Variants in COL28A1 observed in about 807,000 individuals in gnomAD.
The protein encoded by COL28A1 is collagen alpha-1(XXVIII) chain.
Under a neutral mutation model 150.2 loss-of-function variants are expected in COL28A1, and 161 were observed. The ratio of observed to expected loss-of-function variants is 1.07; its 90% confidence interval spans 0.94 to 1.22. The LOEUF (loss-of-function observed/expected upper bound fraction) is 1.22, where lower values mean the gene tolerates loss of function less well. Among genes scored for constraint, COL28A1 ranks in the 50% most tolerant of loss-of-function variants. COL28A1 has a pLI of 0.00. For synonymous variants in COL28A1, 552 were observed against 469.7 expected, an observed-to-expected ratio of 1.18 and a Z score of -2.26; for missense variants, 1,617 against 1,388.3, an observed-to-expected ratio of 1.16 and a Z score of -2.62.
At chr7:7,392,108 G>C (rs114397554) in intron 27 of COL28A1, among the ~76,000 whole-genome samples, 3,550 of 152,288 alleles carry the variant, frequency 0.023, 143 homozygotes, top group African/African-American at 0.081. Context: ...TCTGGCATTG[G>C]CTGGTGCTGG....
At chr7:7,392,631 C>T (rs1458369698) in intron 27 of COL28A1, among the ~76,000 whole-genome samples, 1 of 152,202 alleles carries the variant, frequency 6.6e-6, no homozygotes, top group Non-Finnish European at 1.5e-5. Flanking sequence ...TAGGTTTGGT[C>T]TTTTCACATA....
intron 27 of COL28A1, among the ~76,000 whole-genome samples, chr7:7,413,970 CCT>C (rs1349865668): frequency 6.6e-6 from 1 of 152,104 alleles, no homozygotes; most frequent in Non-Finnish European, 1.5e-5. Flanking sequence ...ACTTCTGGGT[CCT>C]CTGAAAATAA....
At chr7:7,383,369 C>T (rs1215721388) in intron 27 of COL28A1, among the ~76,000 whole-genome samples, 1 of 151,284 alleles carries the variant, frequency 6.6e-6, no homozygotes, top group African/African-American at 2.4e-5. Context: ...GTCCCCACCT[C>T]TCAAGTTCAA....
intron 18 of COL28A1, among the ~76,000 whole-genome samples, chr7:7,449,233 A>C (rs1326302001): frequency 1.3e-5 from 2 of 152,152 alleles, no homozygotes; most frequent in Non-Finnish European, 1.5e-5. Flanking sequence ...TATCTCAAGA[A>C]TGCAAGGATG....
chr7:7,386,627 G>A (rs533069662), intron 27 of COL28A1, among the ~76,000 whole-genome samples: 11 of 152,288 alleles, frequency 7.2e-5, no homozygotes, highest in Non-Finnish European at 1.5e-4. Context: ...TGGGATAGCA[G>A]GAGGGGATAG....
rs541030847 is a variant in COL28A1, at chr7:7,452,525, C to T, written c.1441-138G>A. On this transcript the variant is annotated intron_variant, in intron 17 of 34. Transcript: ENST00000399429. ...TCATATATATTGCCTGAAATCCCTT[C>T]GGGGGATGGATTTGCACCAGATTTG... The T allele has an allele frequency of 2.1e-4, 268 of 1,284,586 alleles. 2 individuals are homozygous for T. In the Middle Eastern group the frequency reaches 3.2e-3, roughly 16 times the overall value. The allele number at this position is 1,284,586 out of a possible 1,614,324, so 79.6% of individuals were successfully genotyped here. A position where few individuals can be genotyped will look rare whatever the true frequency, so the allele number is the denominator to read the frequency against.
At chr7:7,477,527 C>T (rs1042851568) in intron 13 of COL28A1, among the ~76,000 whole-genome samples, 5 of 152,164 alleles carry the variant, frequency 3.3e-5, no homozygotes, top group African/African-American at 1.2e-4. Flanking sequence ...AAGAATGAAG[C>T]CGCGGACCCT....
At chr7:7,497,458 G>A (rs1311853315) in intron 11 of COL28A1, among the ~76,000 whole-genome samples, 1 of 152,182 alleles carries the variant, frequency 6.6e-6, no homozygotes, top group Admixed American at 6.5e-5. Flanking sequence ...GGGAGGTAAA[G>A]TAACTTGCCC....
At chr7:7,446,565 T>A (rs1348199024) in intron 18 of COL28A1, among the ~76,000 whole-genome samples, 1 of 152,176 alleles carries the variant, frequency 6.6e-6, no homozygotes, top group Non-Finnish European at 1.5e-5. Context: ...ATACAAACAT[T>A]TCTAAAAAAA....
Position 7,426,482 on chromosome 7 carries a change from T to C in COL28A1, c.1998+5991A>G, listed in dbSNP as rs1784648571. Among the ~76,000 whole-genome samples the C allele has an allele frequency of 2.6e-5, 4 of 152,226 alleles. No individual in the cohort carries two copies. In the South Asian group the frequency reaches 8.3e-4, roughly 32 times the overall value. On this transcript the variant is annotated intron_variant, in intron 25 of 34. Coordinates refer to ENST00000399429, the MANE Select transcript of COL28A1 (RefSeq NM_001037763.3). ...ATTGATTATTGAATGACCGTTGTCA[T>C]ATGACTCAGTCATTTCTCAATGACA...
intron 7 of COL28A1, among the ~76,000 whole-genome samples, chr7:7,516,625 T>A (rs1437746598): frequency 6.6e-6 from 1 of 152,232 alleles, no homozygotes; most frequent in East Asian, 1.9e-4. Flanking sequence ...ATTTTTCAAA[T>A]ATGGAAATAG....
intron 12 of COL28A1, among the ~76,000 whole-genome samples, chr7:7,490,004 G>A (rs879605175): frequency 6.6e-6 from 1 of 152,302 alleles, no homozygotes; most frequent in Non-Finnish European, 1.5e-5. Flanking sequence ...GTTTTGTACT[G>A]CTTGCTATTT....
the COL28A1 span, among the ~76,000 whole-genome samples, chr7:7,348,210 T>G: frequency 6.6e-6 from 1 of 151,998 alleles, no homozygotes; most frequent in Non-Finnish European, 1.5e-5. Context: ...GAGAGTAAAG[T>G]TGGAGTTCAG....
chr7:7,508,670 T>G (rs1025298412), intron 9 of COL28A1, among the ~76,000 whole-genome samples: 2 of 152,208 alleles, frequency 1.3e-5, no homozygotes, highest in African/African-American at 4.8e-5. Context: ...TGTTTGCTTT[T>G]GGTTGCTGGT....
intron 11 of COL28A1, among the ~76,000 whole-genome samples, chr7:7,493,468 A>G (rs1434783036): frequency 6.6e-6 from 1 of 152,184 alleles, no homozygotes; most frequent in African/African-American, 2.4e-5. Context: ...CAGCTGAGCA[A>G]TATCTTAATA....
At chr7:7,516,217 A>G (rs1025683979) in intron 7 of COL28A1, among the ~76,000 whole-genome samples, 11 of 152,240 alleles carry the variant, frequency 7.2e-5, no homozygotes, top group African/African-American at 2.7e-4. Flanking sequence ...TATTGCAGCT[A>G]AGAATGTTTC....
At chr7:7,535,522 AAG>A (rs568148165) in intron 1 of COL28A1, among the ~76,000 whole-genome samples, 164 of 152,290 alleles carry the variant, frequency 1.1e-3, no homozygotes, top group African/African-American at 3.5e-3. Context: ...AACAATTTAG[AAG>A]ACTGTAAATT....
intron 21 of COL28A1, among the ~76,000 whole-genome samples, chr7:7,438,761 A>T (rs1785534075): frequency 6.6e-6 from 1 of 152,172 alleles, no homozygotes. Flanking sequence ...ATTTTACTGG[A>T]GGGGTTTATA....
At chr7:7,421,365 C>G (rs1784383427) in intron 25 of COL28A1, among the ~76,000 whole-genome samples, 1 of 152,108 alleles carries the variant, frequency 6.6e-6, no homozygotes, top group African/African-American at 2.4e-5. Context: ...TGACCTAAAA[C>G]TGATTTATGG....
Sources: allele counts gnomAD v4.1 joint callset (sites outside exome capture counted in the v4.1 genomes callset), GRCh38; gene constraint gnomAD v4.1.1; transcripts MANE v1.5; gene names NCBI Gene and HGNC (gene_info 2026-07-23, HGNC 2026-07-21).